ITGA9: variants seen among roughly 807,000 people sequenced by gnomAD.
The protein encoded by ITGA9 is integrin alpha-9.
A neutral mutation model predicts 127.8 loss-of-function variants in ITGA9; 56 were observed. The observed-to-expected ratio is 0.44, with a 90% CI of 0.35 to 0.55. The LOEUF (loss-of-function observed/expected upper bound fraction) is 0.55. Ranked by LOEUF, ITGA9 falls within the 20% of genes least tolerant of loss-of-function variation. The probability of loss-of-function intolerance (pLI) is 0.00; values close to 1 mark genes in which losing one functional copy is unlikely to be tolerated. For synonymous variants in ITGA9, 508 were observed against 514.5 expected, an observed-to-expected ratio of 0.99 and a Z score of 0.17; for missense variants, 1,196 against 1,347.1, an observed-to-expected ratio of 0.89 and a Z score of 1.76.
intron 26 of ITGA9, among the ~76,000 whole-genome samples, chr3:37,789,382 T>C (rs757711112): frequency 1.3e-5 from 2 of 152,148 alleles, no homozygotes; most frequent in Non-Finnish European, 2.9e-5. Flanking sequence ...CATGTACATA[T>C]AAAATATGCC....
chr3:37,552,060 G>C (rs555382538), intron 15 of ITGA9, among the ~76,000 whole-genome samples: 2 of 152,340 alleles, frequency 1.3e-5, no homozygotes, highest in South Asian at 2.1e-4. Context: ...CAGGGGAAGT[G>C]GGGGAGCCAG....
intron 15 of ITGA9, among the ~76,000 whole-genome samples, chr3:37,588,938 A>T (rs1032191840): frequency 1.3e-5 from 2 of 152,162 alleles, no homozygotes; most frequent in Non-Finnish European, 2.9e-5. Flanking sequence ...GTCTGAGTGG[A>T]TGACTGTAGT....
At chr3:37,641,720 G>A (rs1015990404) in intron 16 of ITGA9, among the ~76,000 whole-genome samples, 1 of 152,108 alleles carries the variant, frequency 6.6e-6, no homozygotes, top group Non-Finnish European at 1.5e-5. Flanking sequence ...TGTACAGTGG[G>A]GCTCCTGCCT....
chr3:37,651,064 TTTATC>T (rs1422441505), intron 16 of ITGA9, among the ~76,000 whole-genome samples: 1 of 152,190 alleles, frequency 6.6e-6, no homozygotes, highest in African/African-American at 2.4e-5. Context: ...TGTGCTTAAT[TTTATC>T]TTATCAGTAC....
chr3:37,768,744 C>G (rs1175115021), intron 23 of ITGA9, among the ~76,000 whole-genome samples: 2 of 151,374 alleles, frequency 1.3e-5, no homozygotes, highest in Non-Finnish European at 2.9e-5. Context: ...CCCTTTTAAC[C>G]CAAGCCAATT....
intron 12 of ITGA9, among the ~76,000 whole-genome samples, chr3:37,523,910 G>A (rs183944791): frequency 6.9e-4 from 105 of 152,290 alleles, no homozygotes; most frequent in Admixed American, 1.8e-3. Flanking sequence ...TAAAATGGTT[G>A]AATAGTGAAA....
At chr3:37,488,056 G>A (rs1177076859) in intron 4 of ITGA9, among the ~76,000 whole-genome samples, 1 of 152,156 alleles carries the variant, frequency 6.6e-6, no homozygotes, top group Non-Finnish European at 1.5e-5. Context: ...TTCAGTATCT[G>A]CACAGCAGTT....
At chr3:37,700,223 A>C (rs967115413) in intron 18 of ITGA9, among the ~76,000 whole-genome samples, 14 of 152,078 alleles carry the variant, frequency 9.2e-5, no homozygotes, top group African/African-American at 3.4e-4. Flanking sequence ...GCCTCAAGTG[A>C]TCCTCCCTCC....
intron 9 of ITGA9, 33 bp from the exon 10 acceptor site, chr3:37,517,471 G>T (rs1189213770): frequency 1.4e-6 from 2 of 1,460,668 alleles, no homozygotes; most frequent in Middle Eastern, 3.5e-4. Context: ...TTTTTGTTTT[G>T]TTTTCCATTT....
intron 19 of ITGA9, among the ~76,000 whole-genome samples, chr3:37,733,524 A>C (rs1252021529): frequency 1.0e-5 from 1 of 99,916 alleles, no homozygotes; most frequent in Non-Finnish European, 2.4e-5. Flanking sequence ...ACAAAAAAAA[A>C]AAAAAAAAAA....
intron 16 of ITGA9, among the ~76,000 whole-genome samples, chr3:37,649,304 AC>A (rs1044616984): frequency 5.9e-5 from 9 of 152,310 alleles, no homozygotes; most frequent in South Asian, 4.1e-4. Flanking sequence ...ATTAAAAAAA[AC>A]AACAACAACC....
chr3:37,651,741 G>A (rs1276603199), intron 16 of ITGA9, among the ~76,000 whole-genome samples: 1 of 152,166 alleles, frequency 6.6e-6, no homozygotes, highest in East Asian at 1.9e-4. Context: ...TTGTTGAAGG[G>A]TGAGAGGACA....
chr3:37,805,346 G>A (rs1312084947), intron 27 of ITGA9, among the ~76,000 whole-genome samples: 1 of 152,120 alleles, frequency 6.6e-6, no homozygotes, highest in Non-Finnish European at 1.5e-5. Context: ...AACGCACCTG[G>A]CCTGGATTTG....
chr3:37,475,301 A>G (rs1579049527), intron 3 of ITGA9, among the ~76,000 whole-genome samples: 2 of 152,266 alleles, frequency 1.3e-5, no homozygotes, highest in African/African-American at 2.4e-5. Context: ...CCGTGGCAGC[A>G]TAACACAAGA....
chr3:37,478,593 C>G (rs569573413), intron 3 of ITGA9, among the ~76,000 whole-genome samples: 4 of 152,194 alleles, frequency 2.6e-5, no homozygotes, highest in Non-Finnish European at 4.4e-5. Flanking sequence ...CTCTCCTTCT[C>G]CTGTTCTTCC....
At chr3:37,618,233 A>T (rs1700093771) in intron 15 of ITGA9, among the ~76,000 whole-genome samples, 1 of 152,148 alleles carries the variant, frequency 6.6e-6, no homozygotes, top group Non-Finnish European at 1.5e-5. Flanking sequence ...TCCACTCCAG[A>T]CCCTGTTTGC....
chr3:37,584,274 A>C (rs1321502328), intron 15 of ITGA9, among the ~76,000 whole-genome samples: 1 of 152,212 alleles, frequency 6.6e-6, no homozygotes, highest in Non-Finnish European at 1.5e-5. Flanking sequence ...AGGGGCATGC[A>C]GAAACATGTG....
In ITGA9 at chr3:37,597,254, G is replaced by A. The variant is rs988428743; in HGVS notation, c.1690-31933G>A. On this transcript the variant is annotated intron_variant, in intron 15 of 27. Coordinates refer to ENST00000264741, the MANE Select transcript of ITGA9 (RefSeq NM_002207.3). The surrounding 1 kb of genome is among the most constrained non-coding windows in gnomAD (Gnocchi z 4.6). ...CTAAGAGTGATCCAAGAGATAGTGGGACCTGCTCAAGGTTTCATCCAGGAG... is the reference window on the plus strand; with the variant it reads ...CTAAGAGTGATCCAAGAGATAGTGGAACCTGCTCAAGGTTTCATCCAGGAG... 2.0e-5 allele frequency among the ~76,000 whole-genome samples: 3 copies of A among 152,234 alleles called. No homozygotes were observed. The East Asian group carries it at 5.8e-4, about 29-fold the overall frequency.
intron 27 of ITGA9, 28 bp from the exon 28 acceptor site, chr3:37,818,863 T>C: frequency 6.4e-7 from 1 of 1,564,506 alleles, no homozygotes; most frequent in Non-Finnish European, 8.8e-7. Context: ...CACTTCTAAC[T>C]CAGCTTCTCT....
Sources: gnomAD v4.1 joint callset for allele counts (sites outside exome capture counted in the v4.1 genomes callset) on GRCh38, gnomAD v4.1.1 for gene constraint, Gnocchi (gnomAD v3.1) non-coding constraint, MANE v1.5 for transcripts, NCBI Gene and HGNC (gene_info 2026-07-23, HGNC 2026-07-21) for gene names.